PLA2G7: variants seen among roughly 807,000 people sequenced by gnomAD.
The protein encoded by PLA2G7 is phospholipase A2 group VII, also known as platelet-activating factor acetylhydrolase.
Under a neutral mutation model 49.6 loss-of-function variants are expected in PLA2G7, and 63 were observed. The observed-to-expected ratio is 1.27, with a 90% CI of 1.04 to 1.57. The LOEUF is 1.57. Among genes scored for constraint, PLA2G7 ranks in the 40% most tolerant of loss-of-function variants. The probability of loss-of-function intolerance (pLI) is 0.00; values close to 1 mark genes in which losing one functional copy is unlikely to be tolerated. For missense variants in PLA2G7, 596 were observed against 521.2 expected, an observed-to-expected ratio of 1.14 and a Z score of -1.40; for synonymous variants, 193 against 169.9, an observed-to-expected ratio of 1.14 and a Z score of -1.06.
chr6:46,707,803 G>A (rs992687268), intron 10 of PLA2G7, among the ~76,000 whole-genome samples, 188 bp downstream of exon 10: 17 of 152,080 alleles, frequency 1.1e-4, no homozygotes, highest in African/African-American at 3.6e-4. Context: ...TACTATATAC[G>A]TTAACATTCC....
At chr6:46,727,758 T>C (rs761197699) in intron 1 of PLA2G7, among the ~76,000 whole-genome samples, 1 of 152,196 alleles carries the variant, frequency 6.6e-6, no homozygotes, top group Admixed American at 6.5e-5. Flanking sequence ...CAACCCACCA[T>C]GGCTGGTTTT....
intron 1 of PLA2G7, among the ~76,000 whole-genome samples, chr6:46,730,466 C>A (rs1395263442): frequency 6.6e-6 from 1 of 152,072 alleles, no homozygotes; most frequent in Admixed American, 6.6e-5. Flanking sequence ...TTGCCCTAAA[C>A]CTGAAGTTAA....
intron 1 of PLA2G7, among the ~76,000 whole-genome samples, chr6:46,729,837 G>A (rs1184761859): frequency 6.6e-6 from 1 of 152,228 alleles, no homozygotes; most frequent in Non-Finnish European, 1.5e-5. Context: ...GTCCCCTGGA[G>A]TGGGGGCATA....
At chr6:46,717,709 CTTTTTCTTTTTT>C (rs1378230768) in intron 2 of PLA2G7, among the ~76,000 whole-genome samples, 1 of 116,204 alleles carries the variant, frequency 8.6e-6, no homozygotes, top group Non-Finnish European at 1.6e-5. Flanking sequence ...TTTCTTTTTT[CTTTTTCTTTTTT>C]TTTTTTTTTG....
rs990059939 is a variant in PLA2G7 at position 46,721,947 on chromosome 6, T to C, written c.109+836A>G. 7.6e-4 allele frequency among the ~76,000 whole-genome samples: 115 copies of C among 152,102 alleles called. 1 individual carries two copies. Among genetic ancestry groups the C allele is most frequent in the Non-Finnish European group, 1.0e-4 (7 of 68,024 alleles). On this transcript the variant is annotated intron_variant, in intron 2 of 11. Transcript: ENST00000274793. Reference sequence around the variant, plus strand: ...ATCCAGGTGCACAGCTCTGTAGGTATAGTCAGTATGACACCATTCAGAAGC... The same window carrying C: ...ATCCAGGTGCACAGCTCTGTAGGTACAGTCAGTATGACACCATTCAGAAGC...
At chr6:46,714,234 T>C (rs1311351339) in intron 5 of PLA2G7, among the ~76,000 whole-genome samples, 1 of 152,152 alleles carries the variant, frequency 6.6e-6, no homozygotes, top group East Asian at 1.9e-4. Context: ...GCAACACCCT[T>C]TCTTCTCTGC....
chr6:46,709,184 G>A (rs1754469898), intron 9 of PLA2G7, 143 bp downstream of exon 9: 4 of 623,644 alleles, frequency 6.4e-6, no homozygotes, highest in Admixed American at 2.6e-5. Flanking sequence ...TGTATATAGA[G>A]TATTTTATGG....
At chr6:46,715,845 G>A (rs1582572508) in intron 4 of PLA2G7, among the ~76,000 whole-genome samples, 3 of 152,282 alleles carry the variant, frequency 2.0e-5, no homozygotes, top group East Asian at 3.9e-4. Context: ...AGATAAGGAA[G>A]GAAAAGTCTA....
chr6:46,729,067 A>C (rs1212906599), intron 1 of PLA2G7, among the ~76,000 whole-genome samples: 1 of 152,154 alleles, frequency 6.6e-6, no homozygotes, highest in Non-Finnish European at 1.5e-5. Flanking sequence ...AAAGTCTACC[A>C]ATTGCTACAC....
At chr6:46,718,372 T>G (rs1765285499) in intron 2 of PLA2G7, among the ~76,000 whole-genome samples, 2 of 152,254 alleles carry the variant, frequency 1.3e-5, no homozygotes, top group Non-Finnish European at 2.9e-5. Context: ...CTCTGCTACT[T>G]GCAAAAATGT....
At position 46,708,058 on chromosome 6, in the gene PLA2G7, G is replaced by T; in HGVS notation, c.973C>A (p.Pro325Thr). ...FFINSEYFQY[P>T]ANIIKMKKCY... is the part of the protein sequence containing the mutation. ...TTTTTCATTTTTATGATATTAGCAG[G>T]ATATTGGAAATATTCAGAGTTGATA... is the stretch of plus-strand genomic sequence containing the variant. The change falls in exon 10 of 12, where the codon CCT becomes ACT. Residue 325 changes from proline (P) to threonine (T), a missense_variant. By Grantham distance (38) the Pro-to-Thr change is conservative (BLOSUM62 -1). Transcript: ENST00000274793. 1 of 1,591,246 alleles carries T rather than the reference G, an allele frequency of 6.3e-7. No homozygotes were observed. The highest frequency in any genetic ancestry group is 8.6e-7 in the Non-Finnish European group (1 of 1,159,440).
intron 4 of PLA2G7, among the ~76,000 whole-genome samples, chr6:46,715,284 A>G (rs1765167228): frequency 6.6e-6 from 1 of 152,224 alleles, no homozygotes. Flanking sequence ...GGTCATAATC[A>G]TGCAGGAAAA....
At chr6:46,705,349 T>G (rs1263052619) in intron 10 of PLA2G7, 48 bp from the exon 11 acceptor site, 2 of 1,505,244 alleles carry the variant, frequency 1.3e-6, no homozygotes, top group Admixed American at 3.4e-5. Flanking sequence ...GATAAAATTA[T>G]TATTTTTTTA....
chr6:46,722,859 G>T lies in PLA2G7; in HGVS notation c.33C>A (p.Cys11Ter), dbSNP rs1228126658. The T allele has an allele frequency of 6.2e-7, 1 of 1,613,640 alleles. No homozygotes were observed. Among genetic ancestry groups the T allele is most frequent in the East Asian group, 2.2e-5 (1 of 44,876 alleles). The change falls in exon 2 of 12, where the codon TGC (cysteine) becomes TGA (stop). Residue 11 changes from cysteine to a stop codon, truncating the protein, a stop_gained. Coordinates refer to ENST00000274793, the MANE Select transcript of PLA2G7 (RefSeq NM_005084.4). LOFTEE classifies it high-confidence loss of function. ...AAACCACAGCCAGGCAGCCGCAGAGGCAGAAAAGCACATGCAATTTGGGTG... is the reference window on the plus strand; with the variant it reads ...AAACCACAGCCAGGCAGCCGCAGAGTCAGAAAAGCACATGCAATTTGGGTG... MVPPKLHVLF[C>*]LCGCLAVVYP...
intron 5 of PLA2G7, among the ~76,000 whole-genome samples, chr6:46,712,896 G>A (rs1490787849): frequency 6.6e-6 from 1 of 152,210 alleles, no homozygotes; most frequent in Admixed American, 6.5e-5. Flanking sequence ...GAGACCTGCA[G>A]TCTGACCACT....
intron 1 of PLA2G7, among the ~76,000 whole-genome samples, chr6:46,727,230 CCCTATTTGT>C (rs1765602956): frequency 6.6e-6 from 1 of 152,148 alleles, no homozygotes; most frequent in Admixed American, 6.5e-5. Flanking sequence ...TCCCGATTTC[CCCTATTTGT>C]CACTGTTAAA....
At chr6:46,722,678 T>C (rs1765437607) in intron 2 of PLA2G7, 105 bp downstream of exon 2, 2 of 735,278 alleles carry the variant, frequency 2.7e-6, no homozygotes, top group Non-Finnish European at 5.0e-6. Flanking sequence ...CCATAAGCCT[T>C]TAAATAGGAC....
chr6:46,709,724 C>G (rs1422506254), intron 8 of PLA2G7, among the ~76,000 whole-genome samples: 1 of 152,162 alleles, frequency 6.6e-6, no homozygotes, highest in Non-Finnish European at 1.5e-5. Flanking sequence ...TCTCCTCACC[C>G]CATGTTTATT....
rs193188963 is a variant in PLA2G7 at position 46,734,852 on chromosome 6, G to C, written c.-35+328C>G. Among the ~76,000 whole-genome samples the C allele has an allele frequency of 2.5e-3, 378 of 151,628 alleles. 2 individuals are homozygous for C. Among genetic ancestry groups the C allele is most frequent in the African/African-American group, 8.7e-3 (355 of 41,038 alleles). On this transcript the variant is annotated intron_variant, in intron 1 of 11. Coordinates refer to ENST00000274793, the MANE Select transcript of PLA2G7 (RefSeq NM_005084.4). ...AAAGAAAGAAGGAACGAAAGAAAGA[G>C]AGAGAGAGAGAAAAAAAAGAAAAGA...
Sources: allele counts gnomAD v4.1 joint callset (sites outside exome capture counted in the v4.1 genomes callset), GRCh38; gene constraint gnomAD v4.1.1; transcripts MANE v1.5; gene names NCBI Gene and HGNC (gene_info 2026-07-23, HGNC 2026-07-21).